The following PRDM4 variants were observed in gnomAD, a reference collection of about 807,000 sequenced individuals.
PRDM4 encodes the protein PR/SET domain 4.
A neutral mutation model predicts 62.3 loss-of-function variants in PRDM4; 38 were observed. The observed-to-expected ratio is 0.61, with a 90% CI of 0.47 to 0.80. The LOEUF (loss-of-function observed/expected upper bound fraction) is 0.80. Ranked by LOEUF, PRDM4 falls within the 30% of genes least tolerant of loss-of-function variation. The pLI is 0.00. For missense variants in PRDM4, 858 were observed against 997.1 expected, an observed-to-expected ratio of 0.86 and a Z score of 1.88; for synonymous variants, 339 against 348.2, an observed-to-expected ratio of 0.97 and a Z score of 0.30.
intron 9 of PRDM4, among the ~76,000 whole-genome samples, chr12:107,741,476 A>G (rs979501298): frequency 2.6e-5 from 4 of 152,164 alleles, no homozygotes; most frequent in African/African-American, 9.7e-5. Flanking sequence ...TTGAGAGCCC[A>G]AAGTGGCATG....
chr12:107,733,085 A>C lies in PRDM4; in HGVS notation c.*1125T>G, dbSNP rs1018857529. On this transcript the variant is annotated 3_prime_UTR_variant, in exon 12 of 12. Coordinates refer to ENST00000228437, the MANE Select transcript of PRDM4 (RefSeq NM_012406.4). The stretch of plus-strand genomic sequence containing the variant: ...GAAACGCTGGATGTGCATGGGAGAC[A>C]CAATGACCAGGTGCATGGGTGACTT... 1 of 152,558 alleles carries C rather than the reference A, an allele frequency of 6.6e-6. No individual in the cohort carries two copies. The highest frequency in any genetic ancestry group is 1.9e-4 in the East Asian group (1 of 5,176). The allele number at this position is 152,558 out of a possible 1,614,324, so 9.5% of individuals were successfully genotyped here. A position where few individuals can be genotyped will look rare whatever the true frequency, so the allele number is the denominator to read the frequency against.
Position 107,734,539 on chromosome 12 carries a change from A to G in PRDM4, c.2094-17T>C. The stretch of plus-strand genomic sequence containing the variant: ...TGGCGTTCTCTAAGAGGAACACAAG[A>G]AAAAACATTTGATTTGGGGTTACAA... On this transcript the variant is annotated splice_polypyrimidine_tract_variant and intron_variant, in intron 11 of 11. Transcript: ENST00000228437. The G allele has an allele frequency of 6.3e-7, 1 of 1,594,708 alleles. No homozygotes were observed. The highest frequency in any genetic ancestry group is 8.5e-7 in the Non-Finnish European group (1 of 1,170,200).
chr12:107,753,899 C>T (rs1260034615), intron 4 of PRDM4, 25 bp downstream of exon 4: 1 of 1,576,472 alleles, frequency 6.3e-7, no homozygotes, highest in Admixed American at 1.9e-5. Context: ...TTTTCTCTAA[C>T]ATCTCAAGTA....
At chr12:107,739,185 C>A (rs1248374585) in intron 11 of PRDM4, 198 bp downstream of exon 11, 3 of 506,166 alleles carry the variant, frequency 5.9e-6, no homozygotes, top group Non-Finnish European at 6.8e-6. Flanking sequence ...AAGCCAACAA[C>A]TGAAATCTTC....
intron 10 of PRDM4, chr12:107,739,767 T>C (rs923742367): frequency 7.3e-6 from 3 of 409,810 alleles, no homozygotes; most frequent in Non-Finnish European, 1.3e-5. Flanking sequence ...TGATCTCCTT[T>C]AGGACCTCTG....
chr12:107,753,722 A>C (rs1456446125), intron 4 of PRDM4, among the ~76,000 whole-genome samples: 1 of 152,256 alleles, frequency 6.6e-6, no homozygotes, highest in East Asian at 1.9e-4. Flanking sequence ...AATTCAGCTT[A>C]GTCAAACTGT....
At chr12:107,735,317 C>T (rs1251450191) in intron 11 of PRDM4, among the ~76,000 whole-genome samples, 1 of 152,158 alleles carries the variant, frequency 6.6e-6, no homozygotes, top group Non-Finnish European at 1.5e-5. Context: ...TTTCAATATA[C>T]ACATCCATCA....
intron 4 of PRDM4, among the ~76,000 whole-genome samples, chr12:107,753,178 C>G (rs1052708612): frequency 1.3e-5 from 2 of 152,110 alleles, no homozygotes; most frequent in African/African-American, 4.8e-5. Context: ...TCGAGACCAG[C>G]CTCGGCAACA....
rs115289932 is a variant in PRDM4 at position 107,735,288 on chromosome 12, C to T, written c.2094-766G>A. The stretch of plus-strand genomic sequence containing the variant: ...TTCAACTTTACAAGATAATGACAAA[C>T]GGTTTTCCAATGTAGTTGTTTCAAT... On this transcript the variant is annotated intron_variant, in intron 11 of 11. Coordinates refer to ENST00000228437, the MANE Select transcript of PRDM4 (RefSeq NM_012406.4). Among the ~76,000 whole-genome samples the T allele has an allele frequency of 4.5e-3, 683 of 152,230 alleles. 7 individuals carry two copies. The highest frequency in any genetic ancestry group is 0.015 in the African/African-American group (618 of 41,546).
chr12:107,751,651 T>A lies in PRDM4; in HGVS notation c.890A>T (p.Asn297Ile). The change falls in exon 5 of 12, where the codon AAC becomes ATC. Residue 297 changes from asparagine (N) to isoleucine (I), a missense_variant. Around this residue, in one of 3 missense-constraint regions of PRDM4, gnomAD observed 499 missense variants for 546.7 expected, o/e 0.91. Transcript: ENST00000228437. ...DSIHTVAMST[N>I]SVSVALSTSH... ...GGTAGAGAGTGCCACGCTTACAGAG[T>A]TGGTGCTCATGGCCACAGTGTGAAT... The A allele has an allele frequency of 6.2e-7, 1 of 1,614,040 alleles. No individual in the cohort carries two copies. The highest frequency in any genetic ancestry group is 8.5e-7 in the Non-Finnish European group (1 of 1,179,980).
Position 107,733,487 on chromosome 12 carries a change from T to C in PRDM4, c.*723A>G, listed in dbSNP as rs1890233092. On this transcript the variant is annotated 3_prime_UTR_variant, in exon 12 of 12. Transcript: ENST00000228437. ...GTCTAAACCTACAAAGATCTCCACG[T>C]TACAATAACCAGGTGACTTGCTCAG... 1 of 152,244 alleles carries C rather than the reference T, an allele frequency of 6.6e-6. No homozygotes were observed. The highest frequency in any genetic ancestry group is 2.1e-4 in the South Asian group (1 of 4,824). The allele number at this position is 152,244 out of a possible 1,614,324, so 9.4% of individuals were successfully genotyped here. A position where few individuals can be genotyped will look rare whatever the true frequency, so the allele number is the denominator to read the frequency against.
At chr12:107,735,188 T>C (rs1041136783) in intron 11 of PRDM4, among the ~76,000 whole-genome samples, 2 of 152,144 alleles carry the variant, frequency 1.3e-5, no homozygotes, top group Non-Finnish European at 2.9e-5. Flanking sequence ...TATACTTGTA[T>C]GGTGCTCTGC....
chr12:107,751,369 C>A (rs781164991), intron 5 of PRDM4, 46 bp downstream of exon 5: 14 of 1,531,298 alleles, frequency 9.1e-6, no homozygotes, highest in Middle Eastern at 1.8e-4. Context: ...GGGATGGTGG[C>A]CCTTTTTACA....
chr12:107,742,091 A>C, intron 9 of PRDM4, 130 bp downstream of exon 9: 1 of 997,364 alleles, frequency 1.0e-6, no homozygotes. Flanking sequence ...AATACAAGTA[A>C]TAGTTTGCAT....
At chr12:107,735,078 A>G (rs752492707) in intron 11 of PRDM4, among the ~76,000 whole-genome samples, 1 of 152,144 alleles carries the variant, frequency 6.6e-6, no homozygotes, top group Non-Finnish European at 1.5e-5. Context: ...ATCATGCACT[A>G]CAGCCTTGAA....
intron 5 of PRDM4, among the ~76,000 whole-genome samples, chr12:107,750,808 C>T (rs1359127716): frequency 6.6e-6 from 1 of 152,176 alleles, no homozygotes; most frequent in Non-Finnish European, 1.5e-5. Flanking sequence ...CCCTATAACT[C>T]TCTATTTGTG....
In PRDM4 at chr12:107,733,572, A is replaced by T. The variant is rs140915301; in HGVS notation, c.*638T>A. 6 of 152,544 alleles carry T rather than the reference A, an allele frequency of 3.9e-5. No homozygotes were observed. In the East Asian group the frequency reaches 1.2e-3, roughly 29 times the overall value. 9.4% of individuals were successfully genotyped at this position (152,544 alleles called of 1,614,324 possible). A position where few individuals can be genotyped will look rare whatever the true frequency, so the allele number is the denominator to read the frequency against. ...AGGCATCTCTCCTCTTGTTCTCTCC[A>T]TCACTGACTACTGACTGACTGCTGC... On this transcript the variant is annotated 3_prime_UTR_variant, in exon 12 of 12. Transcript: ENST00000228437.
chr12:107,743,314 T>C, intron 7 of PRDM4, 32 bp from the exon 8 acceptor site: 1 of 1,425,654 alleles, frequency 7.0e-7, no homozygotes, highest in Non-Finnish European at 9.9e-7. Flanking sequence ...ACATGTCAAA[T>C]GCACTGACAT....
Position 107,751,661 on chromosome 12 carries a change from T to C in PRDM4, c.880A>G (p.Met294Val), listed in dbSNP as rs1409137164. The change falls in exon 5 of 12, where the codon ATG becomes GTG. Residue 294 changes from methionine to valine, a missense_variant. By Grantham distance (21) the Met-to-Val change is conservative (BLOSUM62 1). Around this residue, in one of 3 missense-constraint regions of PRDM4, gnomAD observed 499 missense variants for 546.7 expected, o/e 0.91. Coordinates refer to ENST00000228437, the MANE Select transcript of PRDM4 (RefSeq NM_012406.4). ...GCCACGCTTACAGAGTTGGTGCTCA[T>C]GGCCACAGTGTGAATGGAGTCACTG... The part of the protein sequence containing the change: ...ALSDSIHTVA[M>V]STNSVSVALS... 5.0e-6 allele frequency: 8 copies of C among 1,614,168 alleles called. No homozygotes were observed. Among genetic ancestry groups the C allele is most frequent in the Non-Finnish European group, 5.9e-6 (7 of 1,180,026 alleles).
Sources: gnomAD v4.1 joint callset for allele counts (sites outside exome capture counted in the v4.1 genomes callset) on GRCh38, gnomAD v4.1.1 for gene constraint, gnomAD v4.1.1 regional missense constraint, MANE v1.5 for transcripts, NCBI Gene and HGNC (gene_info 2026-07-23, HGNC 2026-07-21) for gene names.